The following MYO1G variants were observed in gnomAD, a reference collection of about 807,000 sequenced individuals.
The protein encoded by MYO1G is myosin IG.
Under a neutral mutation model 115.3 loss-of-function variants are expected in MYO1G, and 65 were observed. The ratio of observed to expected loss-of-function variants is 0.56; its 90% CI spans 0.46 to 0.69. The LOEUF is 0.69. Ranked by LOEUF, MYO1G falls within the 30% of genes least tolerant of loss-of-function variation. The probability of loss-of-function intolerance (pLI) is 0.00; values close to 1 mark genes in which losing one functional copy is unlikely to be tolerated. For missense variants in MYO1G, 1,204 were observed against 1,393.5 expected (o/e 0.86, Z 2.16); for synonymous variants, 510 against 552.6 (o/e 0.92, Z 1.08).
At position 44,966,043 on chromosome 7, in the gene MYO1G, G is replaced by A. The variant is rs373227512; in HGVS notation, c.2157+30C>T. 2 of 1,604,476 alleles carry A rather than the reference G, an allele frequency of 1.2e-6. No homozygotes were observed. Among genetic ancestry groups the A allele is most frequent in the Non-Finnish European group, 1.7e-6 (2 of 1,177,788 alleles). ...GACACAAGCTTTCCCCACCTCCATA[G>A]TGGATGTCTTCCTGCCCCGCCCACC... On this transcript the variant is annotated intron_variant, in intron 16 of 21. Transcript: ENST00000258787. This position sits in a 1 kb window ranked among gnomAD's most constrained non-coding sequence, Gnocchi z 5.0.
Position 44,970,855 on chromosome 7 carries a change from C to T in MYO1G, c.1051G>A (p.Ala351Thr). The change falls in exon 8 of 22, where the codon GCC becomes ACC. Residue 351 changes from alanine (A) to threonine (T), a missense_variant. Coordinates refer to ENST00000258787, the MANE Select transcript of MYO1G (RefSeq NM_033054.3). Reference sequence around the variant, plus strand: ...AGTACCTTGGCACAGGCATCCCGGGCATAGCTGGCCTCAGCTGCAGTGTGG... The same window carrying T: ...AGTACCTTGGCACAGGCATCCCGGGTATAGCTGGCCTCAGCTGCAGTGTGG... ...KGHTAAEASY[A>T]RDACAKAVYQ... is the part of the protein sequence containing the mutation. The T allele has an allele frequency of 1.2e-6, 2 of 1,613,644 alleles. No individual in the cohort carries two copies. The highest frequency in any genetic ancestry group is 1.7e-6 in the Non-Finnish European group (2 of 1,180,024).
At chr7:44,967,837 C>T (rs1401049397) in intron 13 of MYO1G, 47 bp downstream of exon 13, 3 of 1,612,454 alleles carry the variant, frequency 1.9e-6, no homozygotes, top group South Asian at 2.2e-5. Flanking sequence ...GTCTCTGGGG[C>T]CCCAGGGCCC....
At position 44,966,111 on chromosome 7, in the gene MYO1G, C is replaced by T; in HGVS notation, c.2119G>A (p.Ala707Thr). ...AGCACAATGATGGGGATGAGGCGGG[C>T]TCGGCTCTGCTCCAGTGTGACCAGT... ...RTLVTLEQSR[A>T]RLIPIIVLLL... Residue 707 changes from alanine to threonine, a missense_variant, in exon 16 of 22, where the codon GCC (alanine) becomes ACC (threonine). Transcript: ENST00000258787. This position sits in a 1 kb window ranked among gnomAD's most constrained non-coding sequence, Gnocchi z 5.0. 6.2e-7 allele frequency: 1 copy of T among 1,612,836 alleles called. No homozygotes were observed.
chr7:44,975,336 C>A, intron 4 of MYO1G, 109 bp from the exon 5 acceptor site: 1 of 1,502,556 alleles, frequency 6.7e-7, no homozygotes, highest in Non-Finnish European at 9.3e-7. Flanking sequence ...AGAGTCCTGA[C>A]TATGAGGACA....
Position 44,964,983 on chromosome 7 carries a change from C to T in MYO1G, c.2488G>A (p.Gly830Ser). Residue 830 changes from glycine to serine, a missense_variant, in exon 18 of 22, where the codon GGC becomes AGC. Gly to Ser is a moderately conservative substitution (Grantham distance 56, BLOSUM62 0). Coordinates refer to ENST00000258787, the MANE Select transcript of MYO1G (RefSeq NM_033054.3). This position sits in a 1 kb window ranked among gnomAD's most constrained non-coding sequence, Gnocchi z 5.1. ...TCTCGGGCCCAGGCCCGTCGGCAGCCCCAGTCCTGACGAAGCCCTTGCAGG... is the reference window on the plus strand; with the variant it reads ...TCTCGGGCCCAGGCCCGTCGGCAGCTCCAGTCCTGACGAAGCCCTTGCAGG... ...GALQGLRQDW[G>S]CRRAWARDYL... The T allele has an allele frequency of 6.2e-7, 1 of 1,608,228 alleles. No individual in the cohort carries two copies. Among genetic ancestry groups the T allele is most frequent in the Non-Finnish European group, 8.5e-7 (1 of 1,176,038 alleles).
At chr7:44,967,527 G>A (rs1486978701) in intron 14 of MYO1G, 78 bp downstream of exon 14, 1 of 1,574,338 alleles carries the variant, frequency 6.4e-7, no homozygotes, top group Admixed American at 1.7e-5. Context: ...GTACAGAGGT[G>A]GTTGGGACCC....
intron 7 of MYO1G, 83 bp downstream of exon 7, chr7:44,971,590 G>A: frequency 9.9e-7 from 1 of 1,006,868 alleles, no homozygotes; most frequent in African/African-American, 1.6e-5. Flanking sequence ...TCTCCAGCCA[G>A]TCTCCTCCTC....
intron 14 of MYO1G, 139 bp downstream of exon 14, chr7:44,967,466 C>T: frequency 8.7e-7 from 1 of 1,145,454 alleles, no homozygotes; most frequent in Non-Finnish European, 1.3e-6. Flanking sequence ...ACTGCTGGAG[C>T]AGATGTGGCT....
In MYO1G at chr7:44,975,631, G is replaced by C; in HGVS notation, c.417C>G (p.Leu139=). The change falls in exon 4 of 22, where the codon CTC becomes CTG. Residue 139 remains leucine (L), a synonymous_variant. Transcript: ENST00000258787. ...AEVERVKDVL[L]KSTCVLEAFG... ...AGGCCTCCAGCACACAGGTGGACTTGAGCAGCACGTCCTTGACCCTGTCAG... is the reference window on the plus strand; with the variant it reads ...AGGCCTCCAGCACACAGGTGGACTTCAGCAGCACGTCCTTGACCCTGTCAG... The C allele has an allele frequency of 6.2e-7, 1 of 1,612,430 alleles. No homozygotes were observed. Among genetic ancestry groups the C allele is most frequent in the Non-Finnish European group, 8.5e-7 (1 of 1,178,964 alleles).
In MYO1G at chr7:44,977,001, G is replaced by A. The variant is rs200838066; in HGVS notation, c.166C>T (p.Pro56Ser). The A allele has an allele frequency of 6.2e-7, 1 of 1,613,688 alleles. No individual in the cohort carries two copies. Among genetic ancestry groups the A allele is most frequent in the East Asian group, 2.2e-5 (1 of 44,892 alleles). ...GCGATGGCCTCAGGCCCATACAGGGGCAGCTCCTGGTAGGGGTTCACGGAC... is the reference window on the plus strand; with the variant it reads ...GCGATGGCCTCAGGCCCATACAGGGACAGCTCCTGGTAGGGGTTCACGGAC... ...LVSVNPYQEL[P>S]LYGPEAIARY... is the part of the protein sequence containing the mutation. The change falls in exon 2 of 22, where the codon CCC (proline) becomes TCC (serine). Residue 56 changes from proline (P) to serine (S), a missense_variant. By Grantham distance (74) the Pro-to-Ser change is moderately conservative (BLOSUM62 -1). Transcript: ENST00000258787.
Position 44,967,603 on chromosome 7 carries a change from A to T in MYO1G, c.1782+2T>A, listed in dbSNP as rs1282392381. 1 of 1,613,616 alleles carries T rather than the reference A, an allele frequency of 6.2e-7. No individual in the cohort carries two copies. Among genetic ancestry groups the T allele is most frequent in the Non-Finnish European group, 8.5e-7 (1 of 1,180,008 alleles). On this transcript the variant is annotated splice_donor_variant, in intron 14 of 21. Coordinates refer to ENST00000258787, the MANE Select transcript of MYO1G (RefSeq NM_033054.3). LOFTEE classifies it high-confidence loss of function. ...CCAGAGTGGGAGAGGGGTGGAACAT[A>T]CCTTGGAGGCAAGGTTCTCCACCAG...
intron 5 of MYO1G, chr7:44,974,906 A>T: frequency 1.9e-6 from 1 of 537,706 alleles, no homozygotes; most frequent in Non-Finnish European, 3.4e-6. Context: ...AGAGACACTT[A>T]TGGGTCCCAG....
chr7:44,965,903 C>G (rs1022965848), intron 16 of MYO1G, 43 bp from the exon 17 acceptor site: 1 of 1,585,620 alleles, frequency 6.3e-7, no homozygotes, highest in Non-Finnish European at 8.5e-7. Context: ...CAAATTCAAT[C>G]AGGCCCTAAC....
At position 44,975,505 on chromosome 7, in the gene MYO1G, G is replaced by C. The variant is rs779172188; in HGVS notation, c.543C>G (p.Ile181Met). 6.2e-7 allele frequency: 1 copy of C among 1,612,822 alleles called. No homozygotes were observed. Among genetic ancestry groups the C allele is most frequent in the East Asian group, 2.2e-5 (1 of 44,872 alleles). Residue 181 changes from isoleucine (I) to methionine (M), a missense_variant, in exon 4 of 22, where the codon ATC becomes ATG. By Grantham distance (10) the Ile-to-Met change is conservative. Transcript: ENST00000258787. ...DFKGDPIGGH[I>M]HSYLLEKSRV... The stretch of plus-strand genomic sequence containing the variant: ...CCACCTTCTCCAGTAGGTAGCTGTG[G>C]ATGTGTCCTCCGATCGGGTCCCCCT...
intron 1 of MYO1G, among the ~76,000 whole-genome samples, chr7:44,978,631 C>T (rs1034608689): frequency 2.6e-5 from 4 of 152,322 alleles, no homozygotes; most frequent in Admixed American, 2.6e-4. Flanking sequence ...AGGTGGTGGG[C>T]AGCTCCGGTG....
In MYO1G at chr7:44,963,066, C is replaced by A; in HGVS notation, c.2804G>T (p.Gly935Val). The A allele has an allele frequency of 1.3e-6, 2 of 1,521,772 alleles. No homozygotes were observed. Among genetic ancestry groups the A allele is most frequent in the Non-Finnish European group, 1.8e-6 (2 of 1,140,278 alleles). The allele number at this position is 1,521,772 out of a possible 1,614,324, so 94.3% of individuals were successfully genotyped here. A position where few individuals can be genotyped will look rare whatever the true frequency, so the allele number is the denominator to read the frequency against. Residue 935 changes from glycine (G) to valine (V), a missense_variant, in exon 21 of 22, where the codon GGC (glycine) becomes GTC (valine). Physicochemically the swap from Gly to Val is moderately radical, Grantham distance 109. Coordinates refer to ENST00000258787, the MANE Select transcript of MYO1G (RefSeq NM_033054.3). This position sits in a 1 kb window ranked among gnomAD's most constrained non-coding sequence, Gnocchi z 4.1. Reference protein sequence around the residue: ...GDQLVVLHARGQDDLVVCLHR... With the variant: ...GDQLVVLHARVQDDLVVCLHR... ...CAGGCACACCACGAGGTCGTCCTGG[C>A]CGCGGGCGTGCAGCACCACCAGCTG...
chr7:44,964,575 C>G lies in MYO1G; in HGVS notation c.2527-56G>C. On this transcript the variant is annotated intron_variant, in intron 18 of 21. Transcript: ENST00000258787. This position sits in a 1 kb window ranked among gnomAD's most constrained non-coding sequence, Gnocchi z 5.1. ...CTTGGGATTGAGTCATGGGACCAGA[C>G]TCAATTGATAGCAGCTGTCTGTGAA... The G allele has an allele frequency of 7.4e-7, 1 of 1,344,898 alleles. No homozygotes were observed. Among genetic ancestry groups the G allele is most frequent in the Admixed American group, 1.7e-5 (1 of 59,386 alleles). 83.3% of individuals were successfully genotyped at this position (1,344,898 alleles called of 1,614,324 possible). A position where few individuals can be genotyped will look rare whatever the true frequency, so the allele number is the denominator to read the frequency against.
chr7:44,963,290 C>T lies in MYO1G; in HGVS notation c.2746-166G>A, dbSNP rs918907081. On this transcript the variant is annotated intron_variant, in intron 20 of 21. Coordinates refer to ENST00000258787, the MANE Select transcript of MYO1G (RefSeq NM_033054.3). The surrounding 1 kb of genome is among the most constrained non-coding windows in gnomAD (Gnocchi z 4.1). The stretch of plus-strand genomic sequence containing the variant: ...CACCGCCCCCTCCTCCCTCTCGGGG[C>T]CCTGCTGACAGGGGGAAGCTTGGGC... The T allele has an allele frequency of 5.2e-5, 38 of 726,586 alleles. 2 individuals carry two copies. In the East Asian group the frequency reaches 5.3e-4, roughly 10 times the overall value. 45.0% of individuals were successfully genotyped at this position (726,586 alleles called of 1,614,324 possible).
In MYO1G at chr7:44,969,729, A is replaced by G. The variant is rs755696005; in HGVS notation, c.1479T>C (p.His493=). The G allele has an allele frequency of 1.2e-6, 2 of 1,609,258 alleles. No homozygotes were observed. The highest frequency in any genetic ancestry group is 1.7e-5 in the Admixed American group (1 of 59,814). Residue 493 remains histidine, a synonymous_variant, in exon 11 of 22, where the codon CAT becomes CAC. Transcript: ENST00000258787. The surrounding 1 kb of genome is among the most constrained non-coding windows in gnomAD (Gnocchi z 5.0). ...CCTGGCGGCTGGTGTAGTGTAGGTGATGGCGGTGGTGCATGTCCAGGGTCT... is the reference window on the plus strand; with the variant it reads ...CCTGGCGGCTGGTGTAGTGTAGGTGGTGGCGGTGGTGCATGTCCAGGGTCT... The part of the protein sequence containing the change: ...FLQTLDMHHR[H]HLHYTSRQLC...
Sources: allele counts gnomAD v4.1 joint callset (sites outside exome capture counted in the v4.1 genomes callset), GRCh38; gene constraint gnomAD v4.1.1; non-coding constraint Gnocchi (gnomAD v3.1); transcripts MANE v1.5; gene names NCBI Gene and HGNC (gene_info 2026-07-23, HGNC 2026-07-21).